Variants in GNB1 observed in about 807,000 individuals in gnomAD.
The protein encoded by GNB1 is G protein subunit beta 1.
GNB1 carries 2 observed loss-of-function variants against 42.9 expected under a neutral mutation model. That is an observed-to-expected ratio of 0.05 (90% CI 0.02 to 0.15). The LOEUF (loss-of-function observed/expected upper bound fraction) is 0.15, where lower values mean the gene tolerates loss of function less well. GNB1 is among the 10% of genes least tolerant of loss of function. The pLI is 1.00. For synonymous variants in GNB1, 183 were observed against 174.7 expected (o/e 1.05, Z -0.38); for missense variants, 193 against 462.2 (o/e 0.42, Z 5.34).
chr1:1,875,779 G>A (rs1177530469), intron 1 of GNB1, among the ~76,000 whole-genome samples: 1 of 152,174 alleles, frequency 6.6e-6, no homozygotes, highest in African/African-American at 2.4e-5. Context: ...AGGCAAGAGA[G>A]CTAGAAACAC....
At chr1:1,874,153 G>A (rs1557946026) in intron 1 of GNB1, among the ~76,000 whole-genome samples, 1 of 152,148 alleles carries the variant, frequency 6.6e-6, no homozygotes, top group South Asian at 2.1e-4. Context: ...TCCCACAAAA[G>A]AAAGACTAGC....
At chr1:1,808,632 GTTTGTTTGTT>G (rs567043688) in intron 5 of GNB1, among the ~76,000 whole-genome samples, 240 of 142,780 alleles carry the variant, frequency 1.7e-3, no homozygotes, top group African/African-American at 6.0e-3. Context: ...AAGGTTTTTT[GTTTGTTTGTT>G]TTTGTTTGTT....
At chr1:1,828,894 TACACACAC>T (rs71578341) in intron 2 of GNB1, among the ~76,000 whole-genome samples, 8 of 149,846 alleles carry the variant, frequency 5.3e-5, no homozygotes, top group Non-Finnish European at 7.4e-5. Flanking sequence ...CATACACACA[TACACACAC>T]ACACACACAC....
At chr1:1,818,978 T>C (rs1428487576) in intron 3 of GNB1, among the ~76,000 whole-genome samples, 1 of 152,198 alleles carries the variant, frequency 6.6e-6, no homozygotes, top group African/African-American at 2.4e-5. Context: ...CATGAGCCTC[T>C]TGGCTGTTCT....
At chr1:1,882,839 T>G (rs180770967) in intron 1 of GNB1, among the ~76,000 whole-genome samples, 12 of 151,704 alleles carry the variant, frequency 7.9e-5, no homozygotes, top group Non-Finnish European at 1.3e-4. Context: ...GAGAATTGTT[T>G]GAACCCAGGA....
intron 7 of GNB1, among the ~76,000 whole-genome samples, chr1:1,795,836 A>G (rs1646539583): frequency 6.6e-6 from 1 of 152,202 alleles, no homozygotes; most frequent in South Asian, 2.1e-4. Context: ...AGCTACACAG[A>G]ATCCATCAGC....
chr1:1,803,938 C>A (rs770765049), intron 7 of GNB1, among the ~76,000 whole-genome samples: 2 of 131,580 alleles, frequency 1.5e-5, no homozygotes, highest in Non-Finnish European at 1.5e-5. Flanking sequence ...GCCAAGAATG[C>A]GCTGCTGCAC....
rs186511496 is a variant in GNB1, at chr1:1,871,015, C to T, written c.-96+19805G>A. ...AACTACTGAGCTCCTTCTCTGAGCC[C>T]TCTAGAGCAACCTTCTTTAAGTCGT... On this transcript the variant is annotated intron_variant, in intron 1 of 11. Coordinates refer to ENST00000378609, the MANE Select transcript of GNB1 (RefSeq NM_002074.5). Among the ~76,000 whole-genome samples the T allele has an allele frequency of 1.7e-3, 254 of 151,566 alleles. 1 individual carries two copies. Among genetic ancestry groups the T allele is most frequent in the Admixed American group, 4.3e-3 (66 of 15,212 alleles).
At position 1,804,402 on chromosome 1, in the gene GNB1, T is replaced by G. The variant is rs764770433; in HGVS notation, c.430+17A>C. 4.4e-6 allele frequency: 7 copies of G among 1,602,748 alleles called. No individual in the cohort carries two copies. The highest frequency in any genetic ancestry group is 2.2e-5 in the East Asian group (1 of 44,800). ...AACAGCTTGTGTCACTTGAAGCTTA[T>G]GAACAAGGACAGGTACCTGTGTGTC... is the stretch of plus-strand genomic sequence containing the variant. On this transcript the variant is annotated intron_variant, in intron 7 of 11. Coordinates refer to ENST00000378609, the MANE Select transcript of GNB1 (RefSeq NM_002074.5).
intron 1 of GNB1, among the ~76,000 whole-genome samples, chr1:1,855,671 A>G (rs1648250412): frequency 6.6e-6 from 1 of 151,804 alleles, no homozygotes; most frequent in Non-Finnish European, 1.5e-5. Flanking sequence ...GCGCCACTGC[A>G]CTCCAGCCTG....
At chr1:1,818,990 G>A (rs1420965153) in intron 3 of GNB1, among the ~76,000 whole-genome samples, 2 of 152,184 alleles carry the variant, frequency 1.3e-5, no homozygotes, top group Non-Finnish European at 2.9e-5. Context: ...GGCTGTTCTC[G>A]TTGCTCATCT....
At position 1,785,989 on chromosome 1, in the gene GNB1, A is replaced by G. The variant is rs1015671632; in HGVS notation, c.*1074T>C. 6.0e-5 allele frequency: 24 copies of G among 398,768 alleles called. No homozygotes were observed. The highest frequency in any genetic ancestry group is 1.0e-4 in the Non-Finnish European group (23 of 226,054). 24.7% of individuals were successfully genotyped at this position (398,768 alleles called of 1,614,324 possible). A position where few individuals can be genotyped will look rare whatever the true frequency, so the allele number is the denominator to read the frequency against. ...AAAGAACACCTAAGGACTGAGTCCC[A>G]TATGCACTTTTGAGCATTTCTACAG... On this transcript the variant is annotated 3_prime_UTR_variant, in exon 12 of 12. Coordinates refer to ENST00000378609, the MANE Select transcript of GNB1 (RefSeq NM_002074.5).
Position 1,840,357 on chromosome 1 carries a change from T to C in GNB1, c.-95-1119A>G, listed in dbSNP as rs376174856. Among the ~76,000 whole-genome samples, 17 of 152,030 alleles carry C rather than the reference T, an allele frequency of 1.1e-4. 1 individual carries two copies. The highest frequency in any genetic ancestry group is 2.6e-4 in the Admixed American group (4 of 15,248). On this transcript the variant is annotated intron_variant, in intron 1 of 11. Transcript: ENST00000378609. ...GCCTGGCCAATATGGTGAAACCTCA[T>C]CTCTACTAAAAATACAAAAAATTCG...
At chr1:1,885,551 C>CTTTTTTTTTTTTTTTTTTT (rs60651257) in intron 1 of GNB1, among the ~76,000 whole-genome samples, 1 of 94,060 alleles carries the variant, frequency 1.1e-5, no homozygotes, top group Non-Finnish European at 2.2e-5. Context: ...TCCACTTAAT[C>CTTTTTTTTTTTTTTTTTTT]TTTTTTTTTT....
chr1:1,798,009 G>T (rs1015743450), intron 7 of GNB1, among the ~76,000 whole-genome samples: 5 of 152,250 alleles, frequency 3.3e-5, no homozygotes, highest in Non-Finnish European at 7.3e-5. Flanking sequence ...GCTGGCGAGG[G>T]ACAGGCTCAG....
intron 1 of GNB1, among the ~76,000 whole-genome samples, chr1:1,885,549 A>ATTTTTTTTT (rs1380160228): frequency 1.6e-4 from 22 of 140,704 alleles, no homozygotes; most frequent in African/African-American, 5.1e-4. Context: ...CTTCCACTTA[A>ATTTTTTTTT]TCTTTTTTTT....
rs1198479789 is a variant in GNB1 at position 1,789,083 on chromosome 1, C to T, written c.886G>A (p.Val296Ile). 7 of 1,614,136 alleles carry T rather than the reference C, an allele frequency of 4.3e-6. No individual in the cohort carries two copies. Among genetic ancestry groups the T allele is most frequent in the East Asian group, 4.5e-5 (2 of 44,890 alleles). Residue 296 changes from valine to isoleucine, a missense_variant, in exon 10 of 12, where the codon GTC (valine) becomes ATC (isoleucine). Physicochemically the swap from Val to Ile is conservative, Grantham distance 29 (BLOSUM62 3). Around this residue, in one of 2 missense-constraint regions of GNB1, gnomAD observed 150 missense variants for 410.8 expected, o/e 0.37. Coordinates refer to ENST00000378609, the MANE Select transcript of GNB1 (RefSeq NM_002074.5). ...CGGTCGGCTTTGAGTGCATCCCAGA[C>T]GTTGCAGTTGAAGTCGTCGTACCCA... ...LAGYDDFNCNVWDALKADRAG... is the reference protein window; with the variant it reads ...LAGYDDFNCNIWDALKADRAG...
chr1:1,799,113 G>A (rs1646588683), intron 7 of GNB1, among the ~76,000 whole-genome samples: 1 of 152,040 alleles, frequency 6.6e-6, no homozygotes, highest in Middle Eastern at 3.2e-3. Context: ...GTAGAGATGG[G>A]GTTTCACCGT....
At chr1:1,805,467 C>A (rs559738043) in intron 6 of GNB1, among the ~76,000 whole-genome samples, 10 of 152,072 alleles carry the variant, frequency 6.6e-5, no homozygotes, top group African/African-American at 2.2e-4. Context: ...GTCTCAAAAA[C>A]ACAAAAAAAC....
Sources: gnomAD v4.1 joint callset for allele counts (sites outside exome capture counted in the v4.1 genomes callset) on GRCh38, gnomAD v4.1.1 for gene constraint, gnomAD v4.1.1 regional missense constraint, MANE v1.5 for transcripts, NCBI Gene and HGNC (gene_info 2026-07-23, HGNC 2026-07-21) for gene names.